RPL3L: variants seen among roughly 807,000 people sequenced by gnomAD.
RPL3L encodes the protein ribosomal protein uL3-like.
Under a neutral mutation model 44.5 loss-of-function variants are expected in RPL3L, and 44 were observed. The observed-to-expected ratio is 0.99, with a 90% CI of 0.78 to 1.27. The LOEUF (loss-of-function observed/expected upper bound fraction) is 1.27. Among genes scored for constraint, RPL3L ranks in the 50% most tolerant of loss-of-function variants. The pLI is 0.00. For synonymous variants in RPL3L, 292 were observed against 230.7 expected (o/e 1.27, Z -2.41); for missense variants, 631 against 569.1 (o/e 1.11, Z -1.11).
At position 1,944,817 on chromosome 16, in the gene RPL3L, G is replaced by A; in HGVS notation, c.*20C>T. The A allele has an allele frequency of 6.2e-7, 1 of 1,613,962 alleles. No homozygotes were observed. The highest frequency in any genetic ancestry group is 2.2e-5 in the East Asian group (1 of 44,866). ...GGCAGACAGTGCGGTGCGCTTCAGG[G>A]TTCATCCACCCCACACAGCCTACAA... On this transcript the variant is annotated 3_prime_UTR_variant, in exon 10 of 10. Transcript: ENST00000268661.
At chr16:1,954,406 A>C (rs1368637904) in intron 1 of RPL3L, among the ~76,000 whole-genome samples, 1 of 152,054 alleles carries the variant, frequency 6.6e-6, no homozygotes, top group Non-Finnish European at 1.5e-5. Context: ...CCCATACTGC[A>C]GCCAAGGGCT....
Position 1,947,230 on chromosome 16 carries a change from C to T in RPL3L, c.652G>A (p.Asp218Asn). The change falls in exon 5 of 10, where the codon GAT becomes AAT. Residue 218 changes from aspartate (D) to asparagine (N), a missense_variant. Physicochemically the swap from Asp to Asn is conservative, Grantham distance 23 (BLOSUM62 1). Transcript: ENST00000268661. ...HSVFSQSEVI[D>N]VIAVTKGRGV... ...CGACCCTTGGTGACAGCAATGACATCAATGACCTCACTCTGGCTGAACACG... is the reference window on the plus strand; with the variant it reads ...CGACCCTTGGTGACAGCAATGACATTAATGACCTCACTCTGGCTGAACACG... The T allele has an allele frequency of 2.5e-6, 4 of 1,613,444 alleles. No homozygotes were observed. The highest frequency in any genetic ancestry group is 3.4e-6 in the Non-Finnish European group (4 of 1,179,596).
rs200927090 is a variant in RPL3L, at chr16:1,950,894, C to T, written c.451G>A (p.Ala151Thr). 294 of 1,613,916 alleles carry T rather than the reference C, an allele frequency of 1.8e-4. No individual in the cohort carries two copies. The highest frequency in any genetic ancestry group is 2.2e-4 in the Non-Finnish European group (255 of 1,179,982). The part of the protein sequence containing the change: ...DGKKQLQKDF[A>T]AMKKYCKVIR... ...ACCTTGCAGTACTTCTTCATGGCGG[C>T]GAAGTCCTTCTGTAGCTGCTTTTTC... Residue 151 changes from alanine (A) to threonine (T), a missense_variant, in exon 4 of 10, where the codon GCC becomes ACC. Physicochemically the swap from Ala to Thr is moderately conservative, Grantham distance 58 (BLOSUM62 0). Transcript: ENST00000268661.
intron 2 of RPL3L, among the ~76,000 whole-genome samples, 162 bp downstream of exon 2, chr16:1,953,794 C>G (rs1279186027): frequency 1.3e-5 from 2 of 152,198 alleles, no homozygotes; most frequent in African/African-American, 2.4e-5. Context: ...AGAACCCGCC[C>G]GGAAGCCCTG....
chr16:1,944,833 C>T lies in RPL3L; in HGVS notation c.*4G>A, dbSNP rs1371096044. 2 of 1,614,096 alleles carry T rather than the reference C, an allele frequency of 1.2e-6. No individual in the cohort carries two copies. The highest frequency in any genetic ancestry group is 2.2e-5 in the South Asian group (2 of 91,088). ...CGCTTCAGGGTTCATCCACCCCACA[C>T]AGCCTACAAGTCTCCCGAGGTCTCC... is the stretch of plus-strand genomic sequence containing the variant. On this transcript the variant is annotated 3_prime_UTR_variant, in exon 10 of 10. Coordinates refer to ENST00000268661, the MANE Select transcript of RPL3L (RefSeq NM_005061.3).
rs113913227 is a variant in RPL3L, at chr16:1,944,722, C to A, written c.*115G>T. The A allele has an allele frequency of 7.4e-4, 971 of 1,319,860 alleles. 7 individuals are homozygous for A. In the African/African-American group the frequency reaches 0.013, roughly 17 times the overall value. The allele number at this position is 1,319,860 out of a possible 1,614,324, so 81.8% of individuals were successfully genotyped here. ...TGTCTAGGCAGCAGGCAAGGTGAACCCCTTGGGCGGTTACACAGCGCTCTG... is the reference window on the plus strand; with the variant it reads ...TGTCTAGGCAGCAGGCAAGGTGAACACCTTGGGCGGTTACACAGCGCTCTG... On this transcript the variant is annotated 3_prime_UTR_variant, in exon 10 of 10. Transcript: ENST00000268661.
intron 4 of RPL3L, 120 bp from the exon 5 acceptor site, chr16:1,947,500 C>T (rs959583394): frequency 8.0e-7 from 1 of 1,250,696 alleles, no homozygotes; most frequent in African/African-American, 1.5e-5. Context: ...ACAGGTGTTC[C>T]CAGGATCAGG....
At position 1,947,307 on chromosome 16, in the gene RPL3L, T is replaced by A. The variant is rs1325900030; in HGVS notation, c.575A>T (p.Glu192Val). ...CCGGGCCTGGGCCCAGGCCACCTTC[T>A]CGGCCACCGTGCCACCGTTCAGCTG... is the stretch of plus-strand genomic sequence containing the variant. Reference protein sequence around the residue: ...EIQLNGGTVAEKVAWAQARLE... With the variant: ...EIQLNGGTVAVKVAWAQARLE... Residue 192 changes from glutamate (E) to valine (V), a missense_variant, in exon 5 of 10, where the codon GAG becomes GTG. Transcript: ENST00000268661. 6.2e-7 allele frequency: 1 copy of A among 1,612,472 alleles called. No individual in the cohort carries two copies. The highest frequency in any genetic ancestry group is 2.2e-5 in the East Asian group (1 of 44,850).
At chr16:1,950,163 T>G (rs2083162186) in intron 4 of RPL3L, among the ~76,000 whole-genome samples, 2 of 141,668 alleles carry the variant, frequency 1.4e-5, no homozygotes, top group African/African-American at 5.4e-5. Context: ...ATGGGGTGGG[T>G]ATGTATGGGG....
intron 3 of RPL3L, 86 bp downstream of exon 3, chr16:1,952,788 T>C (rs2083179167): frequency 1.3e-6 from 2 of 1,501,142 alleles, no homozygotes; most frequent in African/African-American, 1.4e-5. Context: ...CCCACACCTA[T>C]CATTTCAGCA....
Position 1,944,755 on chromosome 16 carries a change from G to T in RPL3L, c.*82C>A. The T allele has an allele frequency of 6.3e-7, 1 of 1,587,554 alleles. No homozygotes were observed. The highest frequency in any genetic ancestry group is 8.6e-7 in the Non-Finnish European group (1 of 1,156,558). On this transcript the variant is annotated 3_prime_UTR_variant, in exon 10 of 10. Transcript: ENST00000268661. ...CGGTTACACAGCGCTCTGAGACCTC[G>T]CAGGAAGAGTCGCCTCCGGCCTTTG... is the stretch of plus-strand genomic sequence containing the variant.
At position 1,945,457 on chromosome 16, in the gene RPL3L, T is replaced by C. The variant is rs1427195789; in HGVS notation, c.1167+42A>G. ...TACTCGGGCAGGCTGGATGTGGAGC[T>C]GGAGCCCCAGAGAAGAACAAGGATG... is the stretch of plus-strand genomic sequence containing the variant. On this transcript the variant is annotated intron_variant, in intron 9 of 9. Transcript: ENST00000268661. The C allele has an allele frequency of 1.9e-6, 3 of 1,582,152 alleles. No individual in the cohort carries two copies. In the Admixed American group the frequency reaches 5.3e-5, roughly 28 times the overall value.
intron 3 of RPL3L, 93 bp from the exon 4 acceptor site, chr16:1,951,072 A>C: frequency 6.6e-7 from 1 of 1,521,004 alleles, no homozygotes; most frequent in South Asian, 1.2e-5. Flanking sequence ...CCCACCAAGC[A>C]GGGGTCCTAC....
At chr16:1,944,930 C>CAACAG (rs61276345) in intron 9 of RPL3L, 37 bp from the exon 10 acceptor site, 13 of 1,612,716 alleles carry the variant, frequency 8.1e-6, no homozygotes, top group Non-Finnish European at 1.0e-5. Flanking sequence ...GCCTTAGTCA[C>CAACAG]TCTGGCCAGA....
chr16:1,954,323 C>A (rs1230371631), intron 1 of RPL3L, among the ~76,000 whole-genome samples, 175 bp from the exon 2 acceptor site: 2 of 152,158 alleles, frequency 1.3e-5, no homozygotes, highest in African/African-American at 4.8e-5. Flanking sequence ...GGGGCAGCGT[C>A]TTTGGGATGG....
rs2083128991 is a variant in RPL3L at position 1,947,177 on chromosome 16, T to C, written c.688+17A>G. On this transcript the variant is annotated intron_variant, in intron 5 of 9. Coordinates refer to ENST00000268661, the MANE Select transcript of RPL3L (RefSeq NM_005061.3). ...CAGGCAGCCTGCCCTGGAGCTGCCA[T>C]CCTCACTGAGCCCTACCTTTGACGC... 6.2e-7 allele frequency: 1 copy of C among 1,612,612 alleles called. No individual in the cohort carries two copies. The highest frequency in any genetic ancestry group is 1.3e-5 in the African/African-American group (1 of 74,858).
chr16:1,945,063 T>C (rs2083110386), intron 9 of RPL3L, among the ~76,000 whole-genome samples, 170 bp from the exon 10 acceptor site: 1 of 150,762 alleles, frequency 6.6e-6, no homozygotes, highest in Non-Finnish European at 1.5e-5. Flanking sequence ...CCCTTAAGAG[T>C]CTCTCCTGCA....
Position 1,945,547 on chromosome 16 carries a change from C to T in RPL3L, c.1119G>A (p.Lys373=), listed in dbSNP as rs1288306895. Reference sequence around the variant, plus strand: ...CTGTCTGGAAGCGGCCATGGCCGAACTTGGAGGTGGTGTCAATGAACTTGA... The same window carrying T: ...CTGTCTGGAAGCGGCCATGGCCGAATTTGGAGGTGGTGTCAATGAACTTGA... ...IELKFIDTTS[K]FGHGRFQTAQ... The change falls in exon 9 of 10, where the codon AAG becomes AAA. Residue 373 remains lysine, a synonymous_variant. Coordinates refer to ENST00000268661, the MANE Select transcript of RPL3L (RefSeq NM_005061.3). The T allele has an allele frequency of 6.2e-7, 1 of 1,613,760 alleles. No homozygotes were observed. Among genetic ancestry groups the T allele is most frequent in the Admixed American group, 1.7e-5 (1 of 59,996 alleles).
Position 1,944,749 on chromosome 16 carries a change from G to T in RPL3L, c.*88C>A. ...CTTGGGCGGTTACACAGCGCTCTGA[G>T]ACCTCGCAGGAAGAGTCGCCTCCGG... On this transcript the variant is annotated 3_prime_UTR_variant, in exon 10 of 10. Transcript: ENST00000268661. The T allele has an allele frequency of 6.3e-7, 1 of 1,575,492 alleles. No individual in the cohort carries two copies. Among genetic ancestry groups the T allele is most frequent in the Non-Finnish European group, 8.7e-7 (1 of 1,145,596 alleles).
Sources: gnomAD v4.1 joint callset for allele counts (sites outside exome capture counted in the v4.1 genomes callset) on GRCh38, gnomAD v4.1.1 for gene constraint, MANE v1.5 for transcripts, NCBI Gene and HGNC (gene_info 2026-07-23, HGNC 2026-07-21) for gene names.